MIPOL1: variants seen among roughly 807,000 people sequenced by gnomAD.
The protein encoded by MIPOL1 is mirror-image polydactyly 1.
Under a neutral mutation model 60.9 loss-of-function variants are expected in MIPOL1, and 57 were observed. That is an observed-to-expected ratio of 0.94 (90% CI 0.76 to 1.17). The LOEUF (loss-of-function observed/expected upper bound fraction) is 1.17. MIPOL1 is among the 50% of genes most tolerant of loss of function. The pLI, the probability that MIPOL1 is intolerant of heterozygous loss-of-function variation, is 0.00. For synonymous variants in MIPOL1, 179 were observed against 168.8 expected (o/e 1.06, Z -0.47); for missense variants, 551 against 511.6 (o/e 1.08, Z -0.74).
intron 10 of MIPOL1, among the ~76,000 whole-genome samples, chr14:37,389,994 A>G (rs1412753106): frequency 2.0e-5 from 3 of 152,012 alleles, no homozygotes; most frequent in Non-Finnish European, 4.4e-5. Flanking sequence ...TGAGGTCAGG[A>G]GTTCGAGACC....
chr14:37,408,133 A>G (rs1047694077), intron 10 of MIPOL1, among the ~76,000 whole-genome samples: 1 of 151,978 alleles, frequency 6.6e-6, no homozygotes, highest in Admixed American at 6.6e-5. Context: ...CAGTCTCCCA[A>G]AGTGTTGGGA....
chr14:37,239,149 C>T (rs1328841470), intron 1 of MIPOL1, among the ~76,000 whole-genome samples: 2 of 151,064 alleles, frequency 1.3e-5, no homozygotes, highest in Admixed American at 1.3e-4. Context: ...AGGTTCACAC[C>T]TTTCTCCTGC....
chr14:37,337,366 T>A (rs1462308821), intron 9 of MIPOL1, among the ~76,000 whole-genome samples: 38 of 89,504 alleles, frequency 4.2e-4, no homozygotes, highest in Non-Finnish European at 5.6e-4. Flanking sequence ...ATTTTTTTTT[T>A]TTTTTTTTTT....
intron 1 of MIPOL1, among the ~76,000 whole-genome samples, chr14:37,243,016 T>G (rs1972596284): frequency 6.6e-6 from 1 of 152,148 alleles, no homozygotes; most frequent in Non-Finnish European, 1.5e-5. Context: ...CTTGGTGTGT[T>G]CGAAGAACAG....
chr14:37,244,821 G>A (rs994695872), intron 1 of MIPOL1, among the ~76,000 whole-genome samples: 7 of 152,168 alleles, frequency 4.6e-5, no homozygotes, highest in Admixed American at 6.5e-5. Context: ...ACAGAAATTA[G>A]TATTTTATTA....
chr14:37,259,338 G>C (rs1303395620), intron 3 of MIPOL1, among the ~76,000 whole-genome samples: 2 of 151,880 alleles, frequency 1.3e-5, no homozygotes. Flanking sequence ...GGATCGACCT[G>C]AGATCACTTG....
chr14:37,256,921 A>G (rs1975031866), intron 3 of MIPOL1, among the ~76,000 whole-genome samples: 1 of 151,970 alleles, frequency 6.6e-6, no homozygotes, highest in Admixed American at 6.6e-5. Context: ...TTTTGTTTCA[A>G]GTACTTAATG....
At chr14:37,229,809 A>G (rs1225769940) in intron 1 of MIPOL1, among the ~76,000 whole-genome samples, 2 of 152,340 alleles carry the variant, frequency 1.3e-5, no homozygotes, top group Admixed American at 1.3e-4. Flanking sequence ...TTTTTACATT[A>G]AAACTATATA....
At chr14:37,434,792 T>G (rs2153561612) in intron 11 of MIPOL1, among the ~76,000 whole-genome samples, 1 of 148,850 alleles carries the variant, frequency 6.7e-6, no homozygotes, top group South Asian at 2.1e-4. Flanking sequence ...GGTCTACTCA[T>G]AATTATAGAG....
chr14:37,381,377 A>G (rs1037295759), intron 10 of MIPOL1, among the ~76,000 whole-genome samples: 2 of 152,100 alleles, frequency 1.3e-5, no homozygotes, highest in African/African-American at 4.8e-5. Context: ...TTTTCGTATT[A>G]CAATGGCCAA....
At chr14:37,273,054 A>G (rs2083408519) in intron 6 of MIPOL1, among the ~76,000 whole-genome samples, 1 of 151,230 alleles carries the variant, frequency 6.6e-6, no homozygotes, top group Non-Finnish European at 1.5e-5. Flanking sequence ...ATAGCAAGAA[A>G]ATTAAAAACA....
At chr14:37,254,053 TCACAC>T (rs1245831812) in intron 3 of MIPOL1, among the ~76,000 whole-genome samples, 2 of 151,802 alleles carry the variant, frequency 1.3e-5, no homozygotes, top group African/African-American at 4.8e-5. Flanking sequence ...TAGTAGCTTC[TCACAC>T]ATGACCATCT....
At chr14:37,293,845 A>C (rs2085339306) in intron 7 of MIPOL1, among the ~76,000 whole-genome samples, 1 of 152,208 alleles carries the variant, frequency 6.6e-6, no homozygotes. Flanking sequence ...CCACAGCTCA[A>C]GGAGGCCTTC....
intron 10 of MIPOL1, among the ~76,000 whole-genome samples, chr14:37,418,222 G>A (rs1213802546): frequency 1.3e-5 from 2 of 152,170 alleles, no homozygotes; most frequent in African/African-American, 4.8e-5. Flanking sequence ...CTCAAGGAGA[G>A]ATAAAAGTGG....
chr14:37,305,089 G>A (rs2153431502), intron 7 of MIPOL1, among the ~76,000 whole-genome samples: 1 of 151,838 alleles, frequency 6.6e-6, no homozygotes, highest in Non-Finnish European at 1.5e-5. Flanking sequence ...GAAAATTAAA[G>A]CCATGTATAG....
chr14:37,283,969 G>C (rs1157196580), intron 6 of MIPOL1, among the ~76,000 whole-genome samples: 1 of 152,024 alleles, frequency 6.6e-6, no homozygotes, highest in Non-Finnish European at 1.5e-5. Context: ...GTAGCACTTT[G>C]GCCTCCCAAA....
Position 37,469,350 on chromosome 14 carries a change from T to C in MIPOL1, c.1032-30558T>C, listed in dbSNP as rs1157752587. On this transcript the variant is annotated intron_variant, in intron 11 of 12. Transcript: ENST00000684589. Reference sequence around the variant, plus strand: ...AGAGCAGGGGGGTGCTACATACTTTTAAACAACCAGATCTGGTGAGAACTC... The same window carrying C: ...AGAGCAGGGGGGTGCTACATACTTTCAAACAACCAGATCTGGTGAGAACTC... 4.6e-5 allele frequency among the ~76,000 whole-genome samples: 7 copies of C among 152,052 alleles called. No individual in the cohort carries two copies. In the South Asian group the frequency reaches 1.2e-3, roughly 27 times the overall value.
At chr14:37,275,793 T>C (rs1389558187) in intron 6 of MIPOL1, among the ~76,000 whole-genome samples, 2 of 151,246 alleles carry the variant, frequency 1.3e-5, no homozygotes, top group Non-Finnish European at 3.0e-5. Flanking sequence ...CTCTGCTTTA[T>C]ATGTTAGTTA....
chr14:37,383,952 A>G lies in MIPOL1; in HGVS notation c.936+14328A>G, dbSNP rs116706545. 1.5e-3 allele frequency among the ~76,000 whole-genome samples: 224 copies of G among 151,984 alleles called. 1 individual carries two copies. Among genetic ancestry groups the G allele is most frequent in the African/African-American group, 5.0e-3 (208 of 41,538 alleles). On this transcript the variant is annotated intron_variant, in intron 10 of 12. Transcript: ENST00000684589. The stretch of plus-strand genomic sequence containing the variant: ...TGAACTCAGCTCATCATGGCAGAGG[A>G]AGAAATTCATTGCCTAGAAACAGAT...
Sources: allele counts gnomAD v4.1 joint callset (sites outside exome capture counted in the v4.1 genomes callset), GRCh38; gene constraint gnomAD v4.1.1; transcripts MANE v1.5; gene names NCBI Gene and HGNC (gene_info 2026-07-23, HGNC 2026-07-21).